The following MSR1 variants were observed in gnomAD, a reference collection of about 807,000 sequenced individuals.
MSR1 encodes the protein macrophage scavenger receptor 1, also known as macrophage scavenger receptor types I and II.
In MSR1, 53 loss-of-function variants were observed where a neutral mutation model predicts 47.2. The ratio of observed to expected loss-of-function variants is 1.12; its 90% confidence interval spans 0.90 to 1.41. The LOEUF (loss-of-function observed/expected upper bound fraction) is 1.41, where lower values mean the gene tolerates loss of function less well. Among genes scored for constraint, MSR1 ranks in the 40% most tolerant of loss-of-function variants. MSR1 has a pLI of 0.00. For missense variants in MSR1, 786 were observed against 546.9 expected (o/e 1.44, Z -4.36); for synonymous variants, 239 against 185.6 (o/e 1.29, Z -2.34).
chr8:16,158,962 G>T (rs1374348937), intron 5 of MSR1, among the ~76,000 whole-genome samples: 2 of 133,998 alleles, frequency 1.5e-5, no homozygotes, highest in Admixed American at 8.2e-5. Flanking sequence ...CAGAGATAGG[G>T]TCTTGCTACT....
chr8:16,157,791 T>C (rs1394549489), intron 5 of MSR1, among the ~76,000 whole-genome samples: 1 of 151,994 alleles, frequency 6.6e-6, no homozygotes, highest in Non-Finnish European at 1.5e-5. Flanking sequence ...ATCACACAGC[T>C]GGACTATTGC....
chr8:16,117,411 A>C (rs781541403), intron 9 of MSR1, among the ~76,000 whole-genome samples: 7 of 152,146 alleles, frequency 4.6e-5, no homozygotes, highest in Admixed American at 3.9e-4. Context: ...CAGAGACAAT[A>C]GTAAATCAAT....
intron 3 of MSR1, among the ~76,000 whole-genome samples, chr8:16,169,564 G>C (rs1290377922): frequency 6.6e-6 from 1 of 151,856 alleles, no homozygotes; most frequent in Admixed American, 6.6e-5. Context: ...ACATAATATG[G>C]AAAAACAATT....
rs764809645 is a variant in MSR1, at chr8:16,164,262, T to G, written c.631-11A>C. On this transcript the variant is annotated splice_polypyrimidine_tract_variant and intron_variant, in intron 4 of 9. Coordinates refer to ENST00000262101, the MANE Select transcript of MSR1 (RefSeq NM_138715.3). Reference sequence around the variant, plus strand: ...TAATTTACTGATTTCCTGTAAAACATAAGTGAGCATTCACAGCCTTTGTTA... The same window carrying G: ...TAATTTACTGATTTCCTGTAAAACAGAAGTGAGCATTCACAGCCTTTGTTA... 6.2e-7 allele frequency: 1 copy of G among 1,607,948 alleles called. No individual in the cohort carries two copies. The highest frequency in any genetic ancestry group is 1.7e-5 in the Admixed American group (1 of 59,914).
intron 7 of MSR1, among the ~76,000 whole-genome samples, chr8:16,147,158 A>G (rs1800722212): frequency 6.6e-6 from 1 of 152,148 alleles, no homozygotes; most frequent in South Asian, 2.1e-4. Flanking sequence ...TTTCACATCA[A>G]TTAAATCCTC....
chr8:16,170,860 T>G (rs1192190494), intron 3 of MSR1, among the ~76,000 whole-genome samples: 2 of 152,182 alleles, frequency 1.3e-5, no homozygotes, highest in Admixed American at 1.3e-4. Flanking sequence ...TTTGTAAAAG[T>G]AACAATTACC....
chr8:16,192,009 G>T (rs1037280064), intron 1 of MSR1, among the ~76,000 whole-genome samples: 5 of 151,922 alleles, frequency 3.3e-5, no homozygotes, highest in African/African-American at 9.7e-5. Flanking sequence ...TACTACTTAA[G>T]GTGCTCAAAT....
chr8:16,178,061 T>G, intron 1 of MSR1, 69 bp from the exon 2 acceptor site: 1 of 1,219,320 alleles, frequency 8.2e-7, no homozygotes, highest in Non-Finnish European at 1.2e-6. Flanking sequence ...CATAATGTTT[T>G]AAACTGAAAT....
At chr8:16,149,269 G>T (rs1013161496) in intron 7 of MSR1, among the ~76,000 whole-genome samples, 1 of 152,130 alleles carries the variant, frequency 6.6e-6, no homozygotes, top group Non-Finnish European at 1.5e-5. Context: ...GAGACCATGT[G>T]TGCATGGGTG....
intron 1 of MSR1, among the ~76,000 whole-genome samples, chr8:16,183,723 G>A (rs925013063): frequency 2.9e-5 from 4 of 136,894 alleles, no homozygotes; most frequent in Non-Finnish European, 6.2e-5. Flanking sequence ...ATATATATTT[G>A]GCAATTATAT....
intron 8 of MSR1, chr8:16,140,251 G>A (rs2117105858): frequency 1.0e-6 from 1 of 983,242 alleles, no homozygotes; most frequent in African/African-American, 1.8e-5. Flanking sequence ...AGTCCAGCCT[G>A]TGCAATAGAA....
chr8:16,123,482 C>T (rs566516518), intron 8 of MSR1, among the ~76,000 whole-genome samples: 53 of 151,222 alleles, frequency 3.5e-4, no homozygotes, highest in African/African-American at 1.2e-3. Context: ...GAATGTCTGT[C>T]GTTTCTTTGG....
At chr8:16,132,914 G>C (rs1800297528) in intron 8 of MSR1, among the ~76,000 whole-genome samples, 1 of 152,106 alleles carries the variant, frequency 6.6e-6, no homozygotes, top group South Asian at 2.1e-4. Context: ...GTTTTTCAAA[G>C]ATGGCTCTTA....
At chr8:16,173,516 G>A (rs546973601) in intron 3 of MSR1, among the ~76,000 whole-genome samples, 1 of 152,142 alleles carries the variant, frequency 6.6e-6, no homozygotes, top group Non-Finnish European at 1.5e-5. Context: ...AACGTGTCAG[G>A]TCCTTTTACT....
intron 3 of MSR1, among the ~76,000 whole-genome samples, chr8:16,173,550 T>A (rs535653900): frequency 1.4e-4 from 21 of 152,344 alleles, no homozygotes; most frequent in African/African-American, 5.1e-4. Context: ...TTTGGTTGGT[T>A]GGTTGTTATG....
intron 5 of MSR1, among the ~76,000 whole-genome samples, chr8:16,162,645 G>A (rs554543943): frequency 4.6e-5 from 7 of 152,108 alleles, no homozygotes; most frequent in African/African-American, 1.7e-4. Context: ...GAAACTGATT[G>A]CCAGGAAACA....
chr8:16,156,979 C>T (rs1326644084), intron 5 of MSR1, among the ~76,000 whole-genome samples: 1 of 151,828 alleles, frequency 6.6e-6, no homozygotes, highest in African/African-American at 2.4e-5. Flanking sequence ...CAATGAATCC[C>T]AGGGGAGGGG....
intron 8 of MSR1, among the ~76,000 whole-genome samples, chr8:16,133,119 C>G (rs558764273): frequency 6.6e-6 from 1 of 151,988 alleles, no homozygotes; most frequent in Non-Finnish European, 1.5e-5. Flanking sequence ...GAGATTAAAA[C>G]AGTTTGTGGA....
chr8:16,168,792 C>T lies in MSR1; in HGVS notation c.296G>A (p.Gly99Glu), dbSNP rs1254025277. Residue 99 changes from glycine to glutamate, a missense_variant, in exon 4 of 10, where the codon GGA (glycine) becomes GAA (glutamate). Transcript: ENST00000262101. ...NANDITQSLTGKGNDSEEEMR... is the reference protein window; with the variant it reads ...NANDITQSLTEKGNDSEEEMR... Reference sequence around the variant, plus strand: ...TTCCTCTTCGCTGTCATTTCCTTTTCCCGTGAGACTTTGAGTTATATCATT... The same window carrying T: ...TTCCTCTTCGCTGTCATTTCCTTTTTCCGTGAGACTTTGAGTTATATCATT... The T allele has an allele frequency of 6.2e-7, 1 of 1,614,068 alleles. No individual in the cohort carries two copies. The highest frequency in any genetic ancestry group is 2.2e-5 in the East Asian group (1 of 44,862).
Sources: gnomAD v4.1 joint callset for allele counts (sites outside exome capture counted in the v4.1 genomes callset) on GRCh38, gnomAD v4.1.1 for gene constraint, MANE v1.5 for transcripts, NCBI Gene and HGNC (gene_info 2026-07-23, HGNC 2026-07-21) for gene names.